PLXDC2: variants seen among roughly 807,000 people sequenced by gnomAD.
The protein encoded by PLXDC2 is plexin domain-containing protein 2.
A neutral mutation model predicts 68.9 loss-of-function variants in PLXDC2; 40 were observed. That is an observed-to-expected ratio of 0.58 (90% CI 0.45 to 0.76). The LOEUF is 0.76. Among genes scored for constraint, PLXDC2 ranks in the 30% least tolerant of loss-of-function variants. PLXDC2 has a pLI of 0.00. For synonymous variants in PLXDC2, 243 were observed against 234.2 expected (o/e 1.04, Z -0.34); for missense variants, 644 against 661.9 (o/e 0.97, Z 0.30).
chr10:20,131,754 GTTTAT>G (rs1833871143), intron 4 of PLXDC2, among the ~76,000 whole-genome samples: 1 of 151,684 alleles, frequency 6.6e-6, no homozygotes, highest in South Asian at 2.1e-4. Context: ...TTACTCTTTT[GTTTAT>G]TTAGAAAAAA....
chr10:20,009,204 A>G (rs181909969), intron 2 of PLXDC2, among the ~76,000 whole-genome samples: 218 of 152,344 alleles, frequency 1.4e-3, no homozygotes, highest in African/African-American at 5.0e-3. Context: ...GAATGCTGCT[A>G]TGCTGGTTCT....
At chr10:19,948,452 A>G (rs1288856552) in intron 1 of PLXDC2, among the ~76,000 whole-genome samples, 1 of 145,532 alleles carries the variant, frequency 6.9e-6, no homozygotes, top group Non-Finnish European at 1.5e-5. Flanking sequence ...AATGATTTTG[A>G]TCTTCCATTC....
At chr10:20,224,882 A>G (rs2131871595) in intron 12 of PLXDC2, among the ~76,000 whole-genome samples, 1 of 152,190 alleles carries the variant, frequency 6.6e-6, no homozygotes, top group East Asian at 1.9e-4. Flanking sequence ...AAGTATCAGC[A>G]CTCCAGGTGA....
chr10:19,818,502 C>T (rs556798831), intron 1 of PLXDC2, among the ~76,000 whole-genome samples: 5 of 152,140 alleles, frequency 3.3e-5, no homozygotes, highest in Admixed American at 6.5e-5. Context: ...TGACTCTGCG[C>T]TCTTATTTAT....
At chr10:19,959,169 C>T (rs1834117734) in intron 1 of PLXDC2, among the ~76,000 whole-genome samples, 1 of 152,192 alleles carries the variant, frequency 6.6e-6, no homozygotes, top group Non-Finnish European at 1.5e-5. Context: ...CCAGGATTAT[C>T]ATCCCTTCCA....
intron 12 of PLXDC2, among the ~76,000 whole-genome samples, chr10:20,235,468 T>C (rs1835420741): frequency 6.6e-6 from 1 of 152,148 alleles, no homozygotes; most frequent in African/African-American, 2.4e-5. Context: ...CCATTGAGGA[T>C]TTATTATATT....
chr10:20,103,331 A>T (rs977309841), intron 4 of PLXDC2, among the ~76,000 whole-genome samples: 1 of 152,248 alleles, frequency 6.6e-6, no homozygotes, highest in Non-Finnish European at 1.5e-5. Flanking sequence ...GATCAGGCCC[A>T]CAAAGGACTT....
intron 3 of PLXDC2, among the ~76,000 whole-genome samples, chr10:20,064,927 T>C (rs1836178725): frequency 6.6e-6 from 1 of 152,138 alleles, no homozygotes; most frequent in African/African-American, 2.4e-5. Context: ...TTTCTCTACT[T>C]TTGCTCAGTC....
At chr10:19,939,384 AG>A (rs1420928541) in intron 1 of PLXDC2, among the ~76,000 whole-genome samples, 1 of 152,186 alleles carries the variant, frequency 6.6e-6, no homozygotes, top group Admixed American at 6.5e-5. Flanking sequence ...TTGCTTTAAA[AG>A]AAAGAATCTC....
At chr10:20,197,850 G>A (rs368925265) in intron 9 of PLXDC2, among the ~76,000 whole-genome samples, 1 of 152,052 alleles carries the variant, frequency 6.6e-6, no homozygotes, top group African/African-American at 2.4e-5. Context: ...AAGCCAAATT[G>A]TTGAAACATG....
At chr10:20,184,530 AAATT>A (rs1463394792) in intron 9 of PLXDC2, among the ~76,000 whole-genome samples, 15 of 151,950 alleles carry the variant, frequency 9.9e-5, no homozygotes, top group Admixed American at 5.9e-4. Context: ...TTATTGATTA[AAATT>A]AATTAAGGGT....
At chr10:20,164,063 A>G (rs1834340998) in intron 6 of PLXDC2, among the ~76,000 whole-genome samples, 2 of 152,228 alleles carry the variant, frequency 1.3e-5, no homozygotes, top group African/African-American at 2.4e-5. Flanking sequence ...CTAAAACTGT[A>G]TAAAAACAAA....
chr10:19,948,396 T>TC (rs1564636416), intron 1 of PLXDC2, among the ~76,000 whole-genome samples: 4 of 151,406 alleles, frequency 2.6e-5, no homozygotes, highest in Non-Finnish European at 4.4e-5. Context: ...CTTTCTTTTT[T>TC]TTTTTTTTTT....
At chr10:20,247,502 C>T (rs1835616150) in intron 13 of PLXDC2, among the ~76,000 whole-genome samples, 1 of 151,828 alleles carries the variant, frequency 6.6e-6, no homozygotes, top group African/African-American at 2.4e-5. Context: ...TCCTCCCTTC[C>T]CATATTAGTT....
At chr10:20,251,700 C>G (rs1357109612) in intron 13 of PLXDC2, among the ~76,000 whole-genome samples, 3 of 152,026 alleles carry the variant, frequency 2.0e-5, no homozygotes, top group Admixed American at 6.5e-5. Context: ...ATCAACATTC[C>G]TATGAAAGGA....
intron 1 of PLXDC2, among the ~76,000 whole-genome samples, chr10:19,989,789 AC>A (rs1427984765): frequency 7.1e-6 from 1 of 140,440 alleles, no homozygotes; most frequent in East Asian, 2.0e-4. Context: ...TTGCTCTGTC[AC>A]CCAGGTTGGA....
At chr10:20,066,168 A>G (rs531021418) in intron 3 of PLXDC2, among the ~76,000 whole-genome samples, 3 of 152,362 alleles carry the variant, frequency 2.0e-5, no homozygotes, top group East Asian at 1.9e-4. Context: ...GGTCATTTCA[A>G]TAGGGGAGCA....
At chr10:19,849,340 C>T (rs1446063788) in intron 1 of PLXDC2, among the ~76,000 whole-genome samples, 4 of 149,604 alleles carry the variant, frequency 2.7e-5, no homozygotes, top group African/African-American at 9.8e-5. Flanking sequence ...ACACACAAGT[C>T]ACCAAATTTT....
intron 13 of PLXDC2, among the ~76,000 whole-genome samples, chr10:20,271,214 G>A (rs111962923): frequency 1.3e-5 from 2 of 151,014 alleles, no homozygotes. Flanking sequence ...GCCACAAAAC[G>A]GAAAGCGTCA....
Sources: gnomAD v4.1 joint callset for allele counts (sites outside exome capture counted in the v4.1 genomes callset) on GRCh38, gnomAD v4.1.1 for gene constraint, MANE v1.5 for transcripts, NCBI Gene and HGNC (gene_info 2026-07-23, HGNC 2026-07-21) for gene names.